The following TRMT61B variants were observed in gnomAD, a reference collection of about 807,000 sequenced individuals.
TRMT61B encodes tRNA (adenine(58)-N(1))-methyltransferase, mitochondrial.
In TRMT61B, 56 loss-of-function variants were observed where a neutral mutation model predicts 52.0. That is an observed-to-expected ratio of 1.08 (90% CI 0.87 to 1.35). The LOEUF (loss-of-function observed/expected upper bound fraction) is 1.35. Among genes scored for constraint, TRMT61B ranks in the 40% most tolerant of loss-of-function variants. TRMT61B has a pLI of 0.00. For synonymous variants in TRMT61B, 206 were observed against 220.0 expected (o/e 0.94, Z 0.56); for missense variants, 650 against 577.9 (o/e 1.12, Z -1.28).
At chr2:28,865,738 T>A (rs927299804) in intron 1 of TRMT61B, among the ~76,000 whole-genome samples, 3 of 142,960 alleles carry the variant, frequency 2.1e-5, no homozygotes, top group African/African-American at 7.9e-5. Context: ...TGGAGTGTGA[T>A]GGCACGATCT....
chr2:28,858,738 T>C (rs370321708), intron 3 of TRMT61B, among the ~76,000 whole-genome samples: 143 of 122,568 alleles, frequency 1.2e-3, no homozygotes, highest in African/African-American at 4.4e-3. Flanking sequence ...GAGGTTGCAG[T>C]GAGCCAAGAT....
Position 28,849,839 on chromosome 2 carries a change from T to C in TRMT61B, c.*360A>G. 1 of 1,467,234 alleles carries C rather than the reference T, an allele frequency of 6.8e-7. No homozygotes were observed. The highest frequency in any genetic ancestry group is 9.3e-7 in the Non-Finnish European group (1 of 1,071,488). 90.9% of individuals were successfully genotyped at this position (1,467,234 alleles called of 1,614,324 possible). A position where few individuals can be genotyped will look rare whatever the true frequency, so the allele number is the denominator to read the frequency against. On this transcript the variant is annotated 3_prime_UTR_variant, in exon 7 of 7. Transcript: ENST00000306108. ...CATAAAATTTATCTTAAAATGCATA[T>C]TTTATTTCAGTAGTCAATGACCATC...
chr2:28,860,967 G>T, intron 3 of TRMT61B, 151 bp downstream of exon 3: 1 of 636,298 alleles, frequency 1.6e-6, no homozygotes, highest in Non-Finnish European at 2.5e-6. Context: ...CCCACCATGA[G>T]ATTAAAAGGC....
At chr2:28,863,710 AGATT>A (rs1669707208) in intron 2 of TRMT61B, among the ~76,000 whole-genome samples, 1 of 152,220 alleles carries the variant, frequency 6.6e-6, no homozygotes, top group Admixed American at 6.6e-5. Context: ...GTCAAACAAA[AGATT>A]GATTGAGGAG....
At chr2:28,863,911 C>T (rs1669717425) in intron 2 of TRMT61B, among the ~76,000 whole-genome samples, 1 of 152,128 alleles carries the variant, frequency 6.6e-6, no homozygotes, top group Non-Finnish European at 1.5e-5. Flanking sequence ...GAACACTGCA[C>T]AGACAGACCA....
At chr2:28,856,381 C>T (rs972076216) in intron 3 of TRMT61B, among the ~76,000 whole-genome samples, 5 of 152,158 alleles carry the variant, frequency 3.3e-5, no homozygotes, top group Non-Finnish European at 7.3e-5. Context: ...TAATACCTTT[C>T]TGCATAGACT....
chr2:28,863,302 G>A (rs1281258422), intron 2 of TRMT61B, among the ~76,000 whole-genome samples: 2 of 151,932 alleles, frequency 1.3e-5, no homozygotes, highest in South Asian at 2.1e-4. Context: ...TTGGTGGTAT[G>A]TGCCTATTGT....
Position 28,850,385 on chromosome 2 carries a change from G to GA in TRMT61B, c.1332dup (p.Pro445SerfsTer10). ...GCAACATAGGGAAATGATCCATATG[G>GA]AAAATCAGAATGCGATTCTTCTGTT... On this transcript the variant is annotated frameshift_variant, in exon 6 of 7. Coordinates refer to ENST00000306108, the MANE Select transcript of TRMT61B (RefSeq NM_017910.4). LOFTEE classifies it high-confidence loss of function. The GA allele has an allele frequency of 1.2e-6, 2 of 1,606,420 alleles. No homozygotes were observed. Among genetic ancestry groups the GA allele is most frequent in the Non-Finnish European group, 1.7e-6 (2 of 1,175,998 alleles).
At chr2:28,865,704 A>T (rs1669811886) in intron 1 of TRMT61B, among the ~76,000 whole-genome samples, 1 of 138,170 alleles carries the variant, frequency 7.2e-6, no homozygotes, top group Admixed American at 7.5e-5. Flanking sequence ...TTGGGAGACG[A>T]AGTCTCACTC....
chr2:28,861,408 T>C (rs921660007), intron 2 of TRMT61B, 100 bp from the exon 3 acceptor site: 8 of 915,086 alleles, frequency 8.7e-6, no homozygotes, highest in Non-Finnish European at 7.8e-6. Flanking sequence ...GTGAAAAAAA[T>C]AATTCAAATA....
chr2:28,870,068 G>A lies in TRMT61B; in HGVS notation c.210C>T (p.Leu70=), dbSNP rs1407936136. ...KAPGAESCPS[L]PLSISDIGTG... is the part of the protein sequence containing the mutation. Reference sequence around the variant, plus strand: ...TCCCAATGTCCGAGATGCTCAGAGGGAGAGATGGGCAAGACTCTGCTCCTG... The same window carrying A: ...TCCCAATGTCCGAGATGCTCAGAGGAAGAGATGGGCAAGACTCTGCTCCTG... Residue 70 remains leucine (L), a synonymous_variant, in exon 1 of 7, where the codon CTC becomes CTT. Coordinates refer to ENST00000306108, the MANE Select transcript of TRMT61B (RefSeq NM_017910.4). 6.8e-6 allele frequency: 11 copies of A among 1,613,814 alleles called. 1 individual carries two copies. In the Middle Eastern group the frequency reaches 9.9e-4, roughly 145 times the overall value.
In TRMT61B at chr2:28,865,080, C is replaced by A. The variant is rs1169604698; in HGVS notation, c.739G>T (p.Gly247Cys). 1.1e-5 allele frequency: 18 copies of A among 1,612,918 alleles called. No individual in the cohort carries two copies. The highest frequency in any genetic ancestry group is 1.4e-5 in the Non-Finnish European group (17 of 1,179,164). The change falls in exon 2 of 7, where the codon GGT becomes TGT. Residue 247 changes from glycine (G) to cysteine (C), a missense_variant. By Grantham distance (159) the Gly-to-Cys change is radical. Transcript: ENST00000306108. ...GAGCCAGCTTCCAAAACAGTATCAC[C>A]TGGGTTGATATCCATCATTGAGAGA... ...MILSMMDINP[G>C]DTVLEAGSGS...
rs1669589826 is a variant in TRMT61B, at chr2:28,861,300, G to A, written c.811C>T (p.Gln271Ter). The change falls in exon 3 of 7, where the codon CAA becomes TAA. Residue 271 changes from glutamine to a stop codon, truncating the protein, a stop_gained. Transcript: ENST00000306108. LOFTEE classifies it high-confidence loss of function. ...ACCTCAAAACTTATGACTCGTCCTTGTGATCCAACTTAAGTAAAAAATAAT... is the reference window on the plus strand; with the variant it reads ...ACCTCAAAACTTATGACTCGTCCTTATGATCCAACTTAAGTAAAAAATAAT... Reference protein sequence around the residue: ...SLFLSKAVGSQGRVISFEVRK... With the variant: ...SLFLSKAVGS The A allele has an allele frequency of 2.5e-6, 4 of 1,580,376 alleles. No individual in the cohort carries two copies. The highest frequency in any genetic ancestry group is 3.4e-6 in the Non-Finnish European group (4 of 1,168,536).
At chr2:28,860,272 CAAAAAAAAAAAAA>C (rs540569211) in intron 3 of TRMT61B, among the ~76,000 whole-genome samples, 287 of 24,484 alleles carry the variant, frequency 0.012, 2 homozygotes, top group East Asian at 0.041. Flanking sequence ...ACTCTGTTGC[CAAAAAAAAAAAAA>C]AAAAAAAAAA....
chr2:28,855,552 C>T (rs1238145070), intron 3 of TRMT61B, among the ~76,000 whole-genome samples: 1 of 152,066 alleles, frequency 6.6e-6, no homozygotes, highest in Admixed American at 6.6e-5. Context: ...AGTTTTTAGC[C>T]TAAGCCACCG....
At position 28,869,897 on chromosome 2, in the gene TRMT61B, C is replaced by G. The variant is rs1255378410; in HGVS notation, c.381G>C (p.Gln127His). ...CTTCGACCTCGGTAGCGGACTGGGCCTGCGAGAGCATCGAAGGATCCTCGG... is the reference window on the plus strand; with the variant it reads ...CTTCGACCTCGGTAGCGGACTGGGCGTGCGAGAGCATCGAAGGATCCTCGG... ...QGSEDPSMLS[Q>H]AQSATEVEER... is the part of the protein sequence containing the mutation. The change falls in exon 1 of 7, where the codon CAG becomes CAC. Residue 127 changes from glutamine (Q) to histidine (H), a missense_variant. Transcript: ENST00000306108. 1 of 1,613,980 alleles carries G rather than the reference C, an allele frequency of 6.2e-7. No homozygotes were observed. Among genetic ancestry groups the G allele is most frequent in the Non-Finnish European group, 8.5e-7 (1 of 1,179,944 alleles).
At position 28,869,913 on chromosome 2, in the gene TRMT61B, G is replaced by A; in HGVS notation, c.365C>T (p.Pro122Leu). The A allele has an allele frequency of 1.9e-6, 3 of 1,613,822 alleles. No homozygotes were observed. The highest frequency in any genetic ancestry group is 1.1e-5 in the South Asian group (1 of 91,060). Residue 122 changes from proline to leucine, a missense_variant, in exon 1 of 7, where the codon CCT (proline) becomes CTT (leucine). Coordinates refer to ENST00000306108, the MANE Select transcript of TRMT61B (RefSeq NM_017910.4). ...CGPTHQGSED[P>L]SMLSQAQSAT... ...GGACTGGGCCTGCGAGAGCATCGAA[G>A]GATCCTCGGATCCCTGGTGTGTGGG...
Position 28,865,134 on chromosome 2 carries a change from A to G in TRMT61B, c.700-15T>C. On this transcript the variant is annotated splice_polypyrimidine_tract_variant and intron_variant, in intron 1 of 6. Coordinates refer to ENST00000306108, the MANE Select transcript of TRMT61B (RefSeq NM_017910.4). ...ATATTAATATCCTATGATTGAAAAC[A>G]GTATGGGTGACTCAGCGACCAATAA... 6.8e-7 allele frequency: 1 copy of G among 1,461,578 alleles called. No homozygotes were observed. Among genetic ancestry groups the G allele is most frequent in the Non-Finnish European group, 9.6e-7 (1 of 1,042,746 alleles). 90.5% of individuals were successfully genotyped at this position (1,461,578 alleles called of 1,614,324 possible). A position where few individuals can be genotyped will look rare whatever the true frequency, so the allele number is the denominator to read the frequency against.
intron 3 of TRMT61B, among the ~76,000 whole-genome samples, chr2:28,858,811 A>G (rs1287320572): frequency 2.0e-5 from 3 of 151,130 alleles, no homozygotes; most frequent in Admixed American, 1.3e-4. Flanking sequence ...AAAAAAAAAA[A>G]AAAAAAAAGA....
Sources: allele counts gnomAD v4.1 joint callset (sites outside exome capture counted in the v4.1 genomes callset), GRCh38; gene constraint gnomAD v4.1.1; transcripts MANE v1.5; gene names NCBI Gene and HGNC (gene_info 2026-07-23, HGNC 2026-07-21).